Variants in AOAH observed in about 807,000 individuals in gnomAD.
AOAH encodes the protein acyloxyacyl hydrolase (neutrophil).
In AOAH, 64 loss-of-function variants were observed where a neutral mutation model predicts 92.2. That is an observed-to-expected ratio of 0.69 (90% CI 0.57 to 0.86). The LOEUF is 0.86. Ranked by LOEUF, AOAH falls within the 40% of genes least tolerant of loss-of-function variation. AOAH has a pLI of 0.00. For missense variants in AOAH, 656 were observed against 694.6 expected, an observed-to-expected ratio of 0.94 and a Z score of 0.62; for synonymous variants, 263 against 254.5, an observed-to-expected ratio of 1.03 and a Z score of -0.32.
intron 3 of AOAH, chr7:36,661,334 C>T (rs970071590): frequency 6.6e-6 from 1 of 152,184 alleles, no homozygotes; most frequent in Non-Finnish European, 1.5e-5. Context: ...ATAGTGCTGT[C>T]GTAATTTCCT....
chr7:36,681,015 G>A (rs746167861), intron 2 of AOAH, among the ~76,000 whole-genome samples: 32 of 87,002 alleles, frequency 3.7e-4, no homozygotes, highest in Non-Finnish European at 5.3e-4. Context: ...ATATTAAGAA[G>A]AGGGAATAAT....
intron 13 of AOAH, among the ~76,000 whole-genome samples, chr7:36,569,833 A>G (rs908270856): frequency 1.3e-4 from 19 of 151,944 alleles, no homozygotes; most frequent in African/African-American, 4.4e-4. Flanking sequence ...GGCTGGTCTC[A>G]AACTCCTGAC....
chr7:36,708,430 A>G (rs983256248), intron 1 of AOAH, among the ~76,000 whole-genome samples: 1 of 151,928 alleles, frequency 6.6e-6, no homozygotes, highest in Admixed American at 6.6e-5. Context: ...AATTTTTTCT[A>G]TTTGCTGAAC....
intron 11 of AOAH, among the ~76,000 whole-genome samples, chr7:36,600,414 G>A (rs1583911700): frequency 1.3e-5 from 2 of 152,310 alleles, no homozygotes; most frequent in Admixed American, 1.3e-4. Flanking sequence ...CAGGCCCCTG[G>A]AGGACTTCTG....
intron 20 of AOAH, among the ~76,000 whole-genome samples, chr7:36,513,813 A>G (rs989533036): frequency 2.6e-5 from 4 of 152,210 alleles, no homozygotes; most frequent in Non-Finnish European, 4.4e-5. Context: ...CATGGCCTGG[A>G]TGCCATGCCT....
At chr7:36,668,732 C>A (rs567698383) in intron 3 of AOAH, among the ~76,000 whole-genome samples, 116 of 152,366 alleles carry the variant, frequency 7.6e-4, no homozygotes, top group Non-Finnish European at 1.4e-3. Flanking sequence ...AGTGATCCAC[C>A]TGCCTTGGCC....
Position 36,673,973 on chromosome 7 carries a change from A to T in AOAH, c.260T>A (p.Ile87Asn), listed in dbSNP as rs765316463. 20 of 1,610,910 alleles carry T rather than the reference A, an allele frequency of 1.2e-5. No homozygotes were observed. In the South Asian group the frequency reaches 2.2e-4, roughly 18 times the overall value. Reference protein sequence around the residue: ...LFLKTTCYLVIDKFGSDIIKL... With the variant: ...LFLKTTCYLVNDKFGSDIIKL... ...TATGATGTCTGATCCAAACTTGTCA[A>T]TGACTAAATAGCAGGTGGTTTTCAA... is the stretch of plus-strand genomic sequence containing the variant. Residue 87 changes from isoleucine (I) to asparagine (N), a missense_variant, in exon 3 of 21, where the codon ATT becomes AAT. Coordinates refer to ENST00000617537, the MANE Select transcript of AOAH (RefSeq NM_001637.4).
At position 36,673,262 on chromosome 7, in the gene AOAH, G is replaced by T. The variant is rs142351410; in HGVS notation, c.290+681C>A. On this transcript the variant is annotated intron_variant, in intron 3 of 20. Transcript: ENST00000617537. ...GCTCAAAAAAAGAAAAATAGTAGCT[G>T]GGCCTGGTGGCTCATATCTGTAATT... Among the ~76,000 whole-genome samples, 527 of 152,330 alleles carry T rather than the reference G, an allele frequency of 3.5e-3. 4 individuals are homozygous for T. The highest frequency in any genetic ancestry group is 0.012 in the African/African-American group (512 of 41,576).
intron 1 of AOAH, among the ~76,000 whole-genome samples, chr7:36,714,921 A>G (rs1385610260): frequency 6.6e-6 from 1 of 152,200 alleles, no homozygotes; most frequent in East Asian, 1.9e-4. Context: ...CGGGCATAAG[A>G]CAGGGATGCC....
At chr7:36,695,636 C>T (rs1797664692) in intron 1 of AOAH, among the ~76,000 whole-genome samples, 1 of 152,146 alleles carries the variant, frequency 6.6e-6, no homozygotes, top group Non-Finnish European at 1.5e-5. Flanking sequence ...TCCTAAGTGC[C>T]ACACTACATA....
intron 4 of AOAH, among the ~76,000 whole-genome samples, chr7:36,654,182 A>G (rs1041801173): frequency 7.0e-6 from 1 of 143,636 alleles, no homozygotes; most frequent in African/African-American, 2.4e-5. Flanking sequence ...TGTGCAAATG[A>G]GAGGAGCGGT....
chr7:36,714,426 G>T (rs1798988222), intron 1 of AOAH, among the ~76,000 whole-genome samples: 1 of 152,200 alleles, frequency 6.6e-6, no homozygotes, highest in Non-Finnish European at 1.5e-5. Context: ...CATTCCTTCT[G>T]AAACTATTCC....
rs1554360833 is a variant in AOAH at position 36,517,156 on chromosome 7, G to GTCTTTTTCTTTCTTTCTTTCTT, written c.1600-3777_1600-3776insAAGAAAGAAAGAAAGAAAAAGA. ...CCCTTTCCTCTCTTTATCCATGTTA[G>GTCTTTTTCTTTCTTTCTTTCTT]TCTTTCTTTCTTTCTTTCTTTCTTT... On this transcript the variant is annotated intron_variant, in intron 20 of 20. Transcript: ENST00000617537. Among the ~76,000 whole-genome samples the GTCTTTTTCTTTCTTTCTTTCTT allele has an allele frequency of 4.8e-4, 46 of 95,430 alleles. 1 individual carries two copies. Among genetic ancestry groups the GTCTTTTTCTTTCTTTCTTTCTT allele is most frequent in the Admixed American group, 2.2e-3 (20 of 8,934 alleles). 62.6% of individuals were successfully genotyped at this position (95,430 alleles called of 152,430 possible).
intron 3 of AOAH, among the ~76,000 whole-genome samples, chr7:36,670,073 T>G (rs12672207): frequency 0.6 from 90,770 of 151,124 alleles, 27,395 homozygotes; most frequent in South Asian, 0.66. Flanking sequence ...TTTGTTTTTT[T>G]TTTTTAACAT....
At position 36,616,428 on chromosome 7, in the gene AOAH, A is replaced by G; in HGVS notation, c.798T>C (p.Ala266=). 1 of 1,614,154 alleles carries G rather than the reference A, an allele frequency of 6.2e-7. No individual in the cohort carries two copies. The highest frequency in any genetic ancestry group is 8.5e-7 in the Non-Finnish European group (1 of 1,179,972). Residue 266 remains alanine, a synonymous_variant, in exon 11 of 21, where the codon GCT becomes GCC. Transcript: ENST00000617537. ...GIILLGDSAG[A]HFHISPEWIT... is the part of the protein sequence containing the mutation. ...TCCATTCAGGAGAGATGTGAAAATG[A>G]GCCCCAGCTGAGTCTCCCAGCAAAA...
chr7:36,640,793 C>T (rs1448382699), intron 4 of AOAH, among the ~76,000 whole-genome samples: 1 of 152,048 alleles, frequency 6.6e-6, no homozygotes, highest in East Asian at 1.9e-4. Context: ...CAGAAGCCAC[C>T]ACTGGCTCCA....
intron 10 of AOAH, among the ~76,000 whole-genome samples, chr7:36,617,969 A>G (rs746645490): frequency 2.2e-4 from 34 of 152,342 alleles, no homozygotes; most frequent in Non-Finnish European, 4.1e-4. Flanking sequence ...TAAAAACTTC[A>G]GTTATGATTG....
At chr7:36,659,093 G>T in intron 4 of AOAH, 73 bp downstream of exon 4, 2 of 1,256,802 alleles carry the variant, frequency 1.6e-6, no homozygotes, top group Non-Finnish European at 2.3e-6. Flanking sequence ...TAAAAGCTAA[G>T]CCTCCCTTTC....
intron 13 of AOAH, among the ~76,000 whole-genome samples, chr7:36,569,105 G>A (rs1212411698): frequency 1.3e-5 from 2 of 152,142 alleles, no homozygotes; most frequent in East Asian, 3.9e-4. Context: ...CTGTAAGTGG[G>A]CGAACAGAGA....
Sources: gnomAD v4.1 joint callset for allele counts (sites outside exome capture counted in the v4.1 genomes callset) on GRCh38, gnomAD v4.1.1 for gene constraint, MANE v1.5 for transcripts, NCBI Gene and HGNC (gene_info 2026-07-23, HGNC 2026-07-21) for gene names.